Variants in CCDC178 observed in about 807,000 individuals in gnomAD.
CCDC178 encodes the protein coiled-coil domain containing 178.
In CCDC178, 126 loss-of-function variants were observed where a neutral mutation model predicts 117.4. The observed-to-expected ratio is 1.07, with a 90% CI of 0.93 to 1.24. The LOEUF is 1.24. Among genes scored for constraint, CCDC178 ranks in the 50% most tolerant of loss-of-function variants. CCDC178 has a pLI of 0.00. For missense variants in CCDC178, 1,030 were observed against 986.9 expected (o/e 1.04, Z -0.59); for synonymous variants, 283 against 313.4 (o/e 0.90, Z 1.02).
intron 22 of CCDC178, 137 bp downstream of exon 22, chr18:32,974,410 C>A (rs2054989405): frequency 4.1e-6 from 3 of 732,286 alleles, no homozygotes; most frequent in Non-Finnish European, 6.8e-6. Flanking sequence ...ATTCTTCATG[C>A]AATTCCAGTT....
chr18:33,316,876 T>C (rs1175319636), intron 11 of CCDC178, among the ~76,000 whole-genome samples: 2 of 151,894 alleles, frequency 1.3e-5, no homozygotes, highest in African/African-American at 4.8e-5. Context: ...TTTGTAAATA[T>C]ACCAATCGAC....
chr18:33,202,582 GCT>G (rs1215605203), intron 20 of CCDC178, among the ~76,000 whole-genome samples: 1 of 152,008 alleles, frequency 6.6e-6, no homozygotes, highest in Admixed American at 6.6e-5. Flanking sequence ...TTGGCATTGG[GCT>G]CTGTGGGGTC....
At chr18:32,950,633 G>A (rs985111609) in intron 22 of CCDC178, among the ~76,000 whole-genome samples, 3 of 152,116 alleles carry the variant, frequency 2.0e-5, no homozygotes, top group Non-Finnish European at 4.4e-5. Context: ...ACAGAAACTG[G>A]TGATATGGCT....
chr18:33,359,137 G>A (rs1402315940), intron 6 of CCDC178, among the ~76,000 whole-genome samples: 1 of 151,764 alleles, frequency 6.6e-6, no homozygotes, highest in Non-Finnish European at 1.5e-5. Flanking sequence ...TTGGTTAAGA[G>A]GCACTTCAAT....
intron 9 of CCDC178, 23 bp from the exon 10 acceptor site, chr18:33,333,417 A>G: frequency 8.0e-7 from 1 of 1,246,164 alleles, no homozygotes; most frequent in Non-Finnish European, 1.1e-6. Flanking sequence ...GGATAAGAAC[A>G]AAAGAAAATC....
At chr18:33,351,874 T>C (rs1006363778) in intron 7 of CCDC178, among the ~76,000 whole-genome samples, 12 of 152,218 alleles carry the variant, frequency 7.9e-5, no homozygotes, top group African/African-American at 2.4e-4. Flanking sequence ...TTCAGATATA[T>C]TCTATAGTTT....
At chr18:33,287,875 T>C (rs1156395116) in intron 12 of CCDC178, among the ~76,000 whole-genome samples, 1 of 152,196 alleles carries the variant, frequency 6.6e-6, no homozygotes, top group East Asian at 1.9e-4. Context: ...TGATCAAAGA[T>C]ATAAAAAACT....
intron 16 of CCDC178, among the ~76,000 whole-genome samples, chr18:33,226,298 G>A (rs931955967): frequency 6.6e-6 from 1 of 152,124 alleles, no homozygotes; most frequent in African/African-American, 2.4e-5. Flanking sequence ...AACACGGCAT[G>A]GATCAAAAAA....
At chr18:33,136,493 A>C (rs949447840) in intron 20 of CCDC178, among the ~76,000 whole-genome samples, 3 of 152,162 alleles carry the variant, frequency 2.0e-5, no homozygotes, top group African/African-American at 4.8e-5. Context: ...ATTTGGCCTA[A>C]GTACAAAGCT....
chr18:33,120,204 A>G (rs983839196), intron 20 of CCDC178, among the ~76,000 whole-genome samples: 1 of 152,072 alleles, frequency 6.6e-6, no homozygotes, highest in Non-Finnish European at 1.5e-5. Flanking sequence ...AGAAAAAAAA[A>G]AGAAACTTCT....
intron 20 of CCDC178, among the ~76,000 whole-genome samples, chr18:33,126,598 GA>G (rs2058007366): frequency 1.3e-5 from 2 of 151,860 alleles, no homozygotes; most frequent in South Asian, 4.2e-4. Flanking sequence ...TCATGTATAT[GA>G]AAAGTTGGTC....
intron 1 of CCDC178, among the ~76,000 whole-genome samples, chr18:33,440,285 T>TGGGGACTG (rs1388874813): frequency 0.03 from 561 of 18,608 alleles, 18 homozygotes; most frequent in African/African-American, 0.046. Flanking sequence ...CCCCCGGCAG[T>TGGGGACTG]GGGGACTGGG....
chr18:33,299,883 CAAT>C (rs1348717654), intron 11 of CCDC178, among the ~76,000 whole-genome samples: 3 of 151,706 alleles, frequency 2.0e-5, no homozygotes, highest in African/African-American at 4.8e-5. Flanking sequence ...ATGCAAACAA[CAAT>C]GAGGTATCAT....
At chr18:33,091,461 T>C (rs2057464616) in intron 21 of CCDC178, among the ~76,000 whole-genome samples, 1 of 149,080 alleles carries the variant, frequency 6.7e-6, no homozygotes, top group South Asian at 2.2e-4. Flanking sequence ...CTCAGCCTCC[T>C]GAGTAACTGG....
At chr18:33,340,223 C>T (rs558904616) in intron 9 of CCDC178, among the ~76,000 whole-genome samples, 2 of 152,178 alleles carry the variant, frequency 1.3e-5, no homozygotes, top group Non-Finnish European at 1.5e-5. Flanking sequence ...TGGCATTTTG[C>T]CCCTGCCCCA....
chr18:33,269,195 G>C (rs896550041), intron 12 of CCDC178, among the ~76,000 whole-genome samples: 1 of 151,774 alleles, frequency 6.6e-6, no homozygotes. Context: ...CCCAGAGCAT[G>C]GTTGTCCAAA....
At chr18:33,309,462 A>G (rs1192377386) in intron 11 of CCDC178, among the ~76,000 whole-genome samples, 1 of 152,216 alleles carries the variant, frequency 6.6e-6, no homozygotes, top group African/African-American at 2.4e-5. Context: ...GCTTGTAGAA[A>G]AACTTTGTGT....
chr18:33,410,465 A>G lies in CCDC178; in HGVS notation c.58+1566T>C, dbSNP rs1019658273. Among the ~76,000 whole-genome samples, 43 of 152,164 alleles carry G rather than the reference A, an allele frequency of 2.8e-4. 1 individual carries two copies. Among genetic ancestry groups the G allele is most frequent in the Admixed American group, 2.7e-3 (41 of 15,274 alleles). On this transcript the variant is annotated intron_variant, in intron 3 of 22. Transcript: ENST00000383096. The stretch of plus-strand genomic sequence containing the variant: ...ATGAAATAACATTTTTTTTCAATTA[A>G]TGTTGATAGAAGAAATAAAGAGCTA...
At chr18:33,119,006 T>A (rs1022629060) in intron 20 of CCDC178, among the ~76,000 whole-genome samples, 1 of 152,072 alleles carries the variant, frequency 6.6e-6, no homozygotes, top group Non-Finnish European at 1.5e-5. Flanking sequence ...TGAAACTGGA[T>A]CCCTTCCTTA....
Sources: gnomAD v4.1 joint callset for allele counts (sites outside exome capture counted in the v4.1 genomes callset) on GRCh38, gnomAD v4.1.1 for gene constraint, MANE v1.5 for transcripts, NCBI Gene and HGNC (gene_info 2026-07-23, HGNC 2026-07-21) for gene names.